The following PAPSS1 variants were observed in gnomAD, a reference collection of about 807,000 sequenced individuals.
PAPSS1 encodes bifunctional 3'-phosphoadenosine 5'-phosphosulfate synthase 1.
Under a neutral mutation model 72.0 loss-of-function variants are expected in PAPSS1, and 50 were observed. The ratio of observed to expected loss-of-function variants is 0.69; its 90% CI spans 0.55 to 0.88. PAPSS1 has a LOEUF of 0.88. Among genes scored for constraint, PAPSS1 ranks in the 40% least tolerant of loss-of-function variants. The probability of loss-of-function intolerance (pLI) is 0.00; values close to 1 mark genes in which losing one functional copy is unlikely to be tolerated. For synonymous variants in PAPSS1, 261 were observed against 263.6 expected (o/e 0.99, Z 0.09); for missense variants, 657 against 782.2 (o/e 0.84, Z 1.91).
chr4:107,660,976 CA>C (rs1727165619), intron 5 of PAPSS1, among the ~76,000 whole-genome samples: 1 of 151,884 alleles, frequency 6.6e-6, no homozygotes, highest in Non-Finnish European at 1.5e-5. Context: ...AAATGTTATC[CA>C]AAAATATACA....
At chr4:107,671,907 T>A (rs751300581) in intron 5 of PAPSS1, among the ~76,000 whole-genome samples, 16 of 152,296 alleles carry the variant, frequency 1.1e-4, no homozygotes, top group Middle Eastern at 6.8e-3. Context: ...TCCACAAATG[T>A]GGAACCCACA....
intron 11 of PAPSS1, 150 bp downstream of exon 11, chr4:107,631,481 T>C: frequency 1.7e-6 from 1 of 576,450 alleles, no homozygotes; most frequent in Non-Finnish European, 3.0e-6. Context: ...ATTTCCAGAA[T>C]GTTGGGAAAT....
intron 1 of PAPSS1, among the ~76,000 whole-genome samples, chr4:107,702,526 C>T (rs551601442): frequency 6.6e-5 from 10 of 152,326 alleles, no homozygotes; most frequent in African/African-American, 9.6e-5. Context: ...CCCCAAACCT[C>T]GCAGTCCCTG....
intron 1 of PAPSS1, among the ~76,000 whole-genome samples, chr4:107,704,688 A>G (rs913316346): frequency 1.3e-5 from 2 of 152,174 alleles, no homozygotes; most frequent in African/African-American, 4.8e-5. Flanking sequence ...ATGGTGGCTC[A>G]CACCACTAAT....
Position 107,630,748 on chromosome 4 carries a change from T to A in PAPSS1, c.1736+883A>T, listed in dbSNP as rs1034103729. ...TCTAAAACCAGACTGCCTGGGTTCA[T>A]CTGCTGAGCTGCCATTTACTAGTCC... is the stretch of plus-strand genomic sequence containing the variant. On this transcript the variant is annotated intron_variant, in intron 11 of 11. Coordinates refer to ENST00000265174, the MANE Select transcript of PAPSS1 (RefSeq NM_005443.5). 2.6e-5 allele frequency among the ~76,000 whole-genome samples: 4 copies of A among 152,196 alleles called. No homozygotes were observed. In the East Asian group the frequency reaches 7.7e-4, roughly 29 times the overall value.
chr4:107,693,764 C>A lies in PAPSS1; in HGVS notation c.411+7G>T. 6.2e-7 allele frequency: 1 copy of A among 1,600,922 alleles called. No homozygotes were observed. Among genetic ancestry groups the A allele is most frequent in the Non-Finnish European group, 8.6e-7 (1 of 1,168,122 alleles). ...AGCAGAAAGGCAATGGCACAAAAAC[C>A]ACATACCTGAGTGTAAGGTGATATG... On this transcript the variant is annotated splice_region_variant and intron_variant, in intron 3 of 11. Transcript: ENST00000265174.
intron 10 of PAPSS1, among the ~76,000 whole-genome samples, chr4:107,639,642 C>A: frequency 6.6e-6 from 1 of 152,186 alleles, no homozygotes; most frequent in Non-Finnish European, 1.5e-5. Context: ...AATGAGAAGA[C>A]AAAATTATCA....
intron 5 of PAPSS1, among the ~76,000 whole-genome samples, chr4:107,665,064 T>C (rs572933093): frequency 6.6e-6 from 1 of 152,360 alleles, no homozygotes; most frequent in Non-Finnish European, 1.5e-5. Context: ...GCTACTGTTT[T>C]TCTCTTCTAA....
At chr4:107,689,928 G>T (rs1422260426) in intron 3 of PAPSS1, among the ~76,000 whole-genome samples, 1 of 152,062 alleles carries the variant, frequency 6.6e-6, no homozygotes, top group Non-Finnish European at 1.5e-5. Context: ...GCTTCATTCT[G>T]CTCTCCCATA....
rs945211316 is a variant in PAPSS1 at position 107,616,103 on chromosome 4, T to A, written c.1737-1716A>T. On this transcript the variant is annotated intron_variant, in intron 11 of 11. Transcript: ENST00000265174. ...AATAGAGAGAGAGAGAGAGAGAGTG[T>A]GTGTGCACATAAAGAAATATGCCCT... is the stretch of plus-strand genomic sequence containing the variant. Among the ~76,000 whole-genome samples, 345 of 145,230 alleles carry A rather than the reference T, an allele frequency of 2.4e-3. 2 individuals are homozygous for A. The highest frequency in any genetic ancestry group is 2.0e-3 in the Non-Finnish European group (126 of 64,580).
chr4:107,674,039 TG>T (rs1241642253), intron 5 of PAPSS1, among the ~76,000 whole-genome samples: 1 of 146,560 alleles, frequency 6.8e-6, no homozygotes, highest in Non-Finnish European at 1.5e-5. Context: ...AAAGAGCTTC[TG>T]AAGGAAGCAG....
At position 107,644,832 on chromosome 4, in the gene PAPSS1, T is replaced by C. The variant is rs1726649177; in HGVS notation, c.1476A>G (p.Pro492=). ...TTGGTCCAGCATACATCATGGGAGA[T>C]GGGAAGATGGCCACCACTGTCGTCT... The part of the protein sequence containing the change: ...NPETTVVAIF[P]SPMMYAGPTE... The change falls in exon 10 of 12, where the codon CCA becomes CCG. Residue 492 remains proline, a synonymous_variant. Coordinates refer to ENST00000265174, the MANE Select transcript of PAPSS1 (RefSeq NM_005443.5). 4 of 1,613,242 alleles carry C rather than the reference T, an allele frequency of 2.5e-6. No individual in the cohort carries two copies. Among genetic ancestry groups the C allele is most frequent in the South Asian group, 1.1e-5 (1 of 91,018 alleles).
chr4:107,696,850 G>T (rs2125934954), intron 2 of PAPSS1, among the ~76,000 whole-genome samples: 1 of 152,214 alleles, frequency 6.6e-6, no homozygotes, highest in Non-Finnish European at 1.5e-5. Context: ...ATTTTCCAAA[G>T]ATGGCTGCAA....
intron 9 of PAPSS1, among the ~76,000 whole-genome samples, chr4:107,652,379 C>A (rs143782038): frequency 6.6e-6 from 1 of 152,094 alleles, no homozygotes; most frequent in African/African-American, 2.4e-5. Flanking sequence ...AGTATGGGTG[C>A]ACCAAGGTAA....
intron 9 of PAPSS1, among the ~76,000 whole-genome samples, chr4:107,645,360 G>C (rs183794573): frequency 4.5e-4 from 69 of 152,238 alleles, no homozygotes; most frequent in Admixed American, 7.8e-4. Context: ...TGGGAAATGA[G>C]AGCAATCATC....
intron 1 of PAPSS1, 103 bp from the exon 2 acceptor site, chr4:107,701,388 C>A: frequency 1.4e-6 from 1 of 705,092 alleles, no homozygotes; most frequent in Non-Finnish European, 2.4e-6. Flanking sequence ...ATGCCAAAAG[C>A]AAAGAAAAAG....
intron 10 of PAPSS1, among the ~76,000 whole-genome samples, chr4:107,636,569 G>A (rs1560567783): frequency 6.6e-6 from 1 of 152,124 alleles, no homozygotes; most frequent in East Asian, 1.9e-4. Flanking sequence ...ATCAAAGGGG[G>A]TAACACTCTG....
At chr4:107,645,959 C>G (rs1291139607) in intron 9 of PAPSS1, among the ~76,000 whole-genome samples, 1 of 152,174 alleles carries the variant, frequency 6.6e-6, no homozygotes, top group African/African-American at 2.4e-5. Context: ...AAGACTGTGG[C>G]ATCCTACTTA....
chr4:107,699,278 A>G (rs1723148761), intron 2 of PAPSS1, among the ~76,000 whole-genome samples: 1 of 152,050 alleles, frequency 6.6e-6, no homozygotes, highest in Admixed American at 6.6e-5. Context: ...AAAAAAAAAA[A>G]GGAAGTCACA....
Sources: allele counts gnomAD v4.1 joint callset (sites outside exome capture counted in the v4.1 genomes callset), GRCh38; gene constraint gnomAD v4.1.1; transcripts MANE v1.5; gene names NCBI Gene and HGNC (gene_info 2026-07-23, HGNC 2026-07-21).